The following KCTD8 variants were observed in gnomAD, a reference collection of about 807,000 sequenced individuals.
KCTD8 encodes potassium channel tetramerization domain containing 8.
Under a neutral mutation model 31.5 loss-of-function variants are expected in KCTD8, and 27 were observed. The ratio of observed to expected loss-of-function variants is 0.86; its 90% confidence interval spans 0.63 to 1.18. The LOEUF is 1.18. Among genes scored for constraint, KCTD8 ranks in the 50% most tolerant of loss-of-function variants. KCTD8 has a pLI of 0.00. For synonymous variants in KCTD8, 290 were observed against 280.0 expected (o/e 1.04, Z -0.36); for missense variants, 658 against 647.7 (o/e 1.02, Z -0.17).
At chr4:44,270,615 C>T (rs1435448777) in intron 1 of KCTD8, among the ~76,000 whole-genome samples, 3 of 152,002 alleles carry the variant, frequency 2.0e-5, no homozygotes, top group South Asian at 2.1e-4. Context: ...TAAGACCAAA[C>T]AGTTGGGTTT....
intron 1 of KCTD8, among the ~76,000 whole-genome samples, chr4:44,210,010 T>C (rs1466706762): frequency 6.6e-6 from 1 of 152,128 alleles, no homozygotes; most frequent in Admixed American, 6.6e-5. Flanking sequence ...GAGGAAGAAA[T>C]GCTACTTAAA....
chr4:44,372,081 A>G (rs2109436983), intron 1 of KCTD8, among the ~76,000 whole-genome samples: 1 of 152,354 alleles, frequency 6.6e-6, no homozygotes, highest in Admixed American at 6.5e-5. Context: ...TTGAAATAGC[A>G]TTATTCCCTA....
At position 44,448,097 on chromosome 4, in the gene KCTD8, C is replaced by G. The variant is rs1269103625; in HGVS notation, c.427G>C (p.Val143Leu). ...GTGACCTTGGGCGACAGCAGCTTGA[C>G]CAAGTCGGTGAGCTGGAAATACTCG... ...EAEYFQLTDLVKLLSPKVTKQ... is the reference protein window; with the variant it reads ...EAEYFQLTDLLKLLSPKVTKQ... Residue 143 changes from valine to leucine, a missense_variant, in exon 1 of 2, where the codon GTC (valine) becomes CTC (leucine). Transcript: ENST00000360029. The surrounding 1 kb of genome is among the most constrained non-coding windows in gnomAD (Gnocchi z 4.1). 1.2e-6 allele frequency: 2 copies of G among 1,612,560 alleles called. No homozygotes were observed. The highest frequency in any genetic ancestry group is 1.7e-6 in the Non-Finnish European group (2 of 1,179,878).
At chr4:44,237,628 G>A (rs918691260) in intron 1 of KCTD8, among the ~76,000 whole-genome samples, 2 of 152,220 alleles carry the variant, frequency 1.3e-5, no homozygotes, top group Non-Finnish European at 2.9e-5. Flanking sequence ...AACTTGAGAG[G>A]AGAAAAGAGG....
At chr4:44,322,770 T>G (rs1718329688) in intron 1 of KCTD8, among the ~76,000 whole-genome samples, 1 of 152,082 alleles carries the variant, frequency 6.6e-6, no homozygotes, top group South Asian at 2.1e-4. Flanking sequence ...TTGTATATGT[T>G]GAAAGATGGA....
At chr4:44,314,655 T>C (rs984376852) in intron 1 of KCTD8, among the ~76,000 whole-genome samples, 1 of 152,068 alleles carries the variant, frequency 6.6e-6, no homozygotes, top group African/African-American at 2.4e-5. Flanking sequence ...TATACACATC[T>C]ATATGCATAA....
intron 1 of KCTD8, among the ~76,000 whole-genome samples, chr4:44,298,279 T>G (rs1450208395): frequency 1.3e-5 from 2 of 152,136 alleles, no homozygotes; most frequent in African/African-American, 4.8e-5. Flanking sequence ...TCTGTCAGTC[T>G]TCTGTTTCGG....
intron 1 of KCTD8, among the ~76,000 whole-genome samples, chr4:44,377,439 A>G (rs1264390002): frequency 6.6e-6 from 1 of 152,206 alleles, no homozygotes; most frequent in Non-Finnish European, 1.5e-5. Flanking sequence ...GCATAGGCTC[A>G]GGAAGCAGGC....
intron 1 of KCTD8, among the ~76,000 whole-genome samples, chr4:44,313,412 G>A (rs1329502143): frequency 2.6e-5 from 4 of 152,148 alleles, no homozygotes; most frequent in East Asian, 3.9e-4. Context: ...TCACTTGGCC[G>A]TGGTAGAGTA....
intron 1 of KCTD8, among the ~76,000 whole-genome samples, chr4:44,343,741 T>C (rs1170762371): frequency 6.6e-6 from 1 of 152,190 alleles, no homozygotes; most frequent in African/African-American, 2.4e-5. Flanking sequence ...CTAACAAAAA[T>C]ATGTTAATAA....
rs573872548 is a variant in KCTD8, at chr4:44,289,069, T to C, written c.962-113819A>G. Among the ~76,000 whole-genome samples the C allele has an allele frequency of 1.0e-3, 155 of 151,774 alleles. 1 individual carries two copies. The highest frequency in any genetic ancestry group is 3.6e-3 in the African/African-American group (151 of 41,532). ...TATCTGCATATTTTGAGAATTCTTATCTTTAAAATAGAGATACTATCTACC... is the reference window on the plus strand; with the variant it reads ...TATCTGCATATTTTGAGAATTCTTACCTTTAAAATAGAGATACTATCTACC... On this transcript the variant is annotated intron_variant, in intron 1 of 1. Transcript: ENST00000360029.
rs1718621698 is a variant in KCTD8 at position 44,332,738 on chromosome 4, A to G, written c.961+114825T>C. Among the ~76,000 whole-genome samples, 4 of 152,152 alleles carry G rather than the reference A, an allele frequency of 2.6e-5. No individual in the cohort carries two copies. In the South Asian group the frequency reaches 6.2e-4, roughly 24 times the overall value. ...AAGAAAACTCCATAGTTAGGAAAAGACAAATCCATCATACAAATTCCATCA... is the reference window on the plus strand; with the variant it reads ...AAGAAAACTCCATAGTTAGGAAAAGGCAAATCCATCATACAAATTCCATCA... On this transcript the variant is annotated intron_variant, in intron 1 of 1. Transcript: ENST00000360029.
chr4:44,255,126 A>G (rs1176866173), intron 1 of KCTD8, among the ~76,000 whole-genome samples: 2 of 151,908 alleles, frequency 1.3e-5, no homozygotes, highest in Non-Finnish European at 2.9e-5. Context: ...CACCCTGCCT[A>G]TGATGATAAA....
At chr4:44,241,013 C>T (rs185870521) in intron 1 of KCTD8, among the ~76,000 whole-genome samples, 22 of 152,322 alleles carry the variant, frequency 1.4e-4, no homozygotes, top group Admixed American at 1.2e-3. Context: ...ACCCACACTT[C>T]ATTTTTGCAT....
chr4:44,272,141 A>ATATATATATATAT (rs1716631369), intron 1 of KCTD8, among the ~76,000 whole-genome samples: 1 of 149,672 alleles, frequency 6.7e-6, no homozygotes, highest in African/African-American at 2.5e-5. Flanking sequence ...ATATATATAT[A>ATATATATATATAT]AATGCTGAAC....
intron 1 of KCTD8, among the ~76,000 whole-genome samples, chr4:44,231,222 A>C (rs1260771500): frequency 1.3e-5 from 2 of 151,938 alleles, no homozygotes; most frequent in Non-Finnish European, 2.9e-5. Context: ...CATATATCTC[A>C]CCTCATTTCT....
intron 1 of KCTD8, among the ~76,000 whole-genome samples, chr4:44,222,820 G>A (rs552125908): frequency 4.6e-5 from 7 of 152,098 alleles, no homozygotes; most frequent in Non-Finnish European, 8.8e-5. Context: ...AAAATACTTG[G>A]AAGCAAAAAC....
chr4:44,285,431 A>G (rs1717034678), intron 1 of KCTD8, among the ~76,000 whole-genome samples: 1 of 151,632 alleles, frequency 6.6e-6, no homozygotes, highest in African/African-American at 2.4e-5. Flanking sequence ...ACAAGAACAC[A>G]TGGACACAGG....
At chr4:44,391,217 G>A (rs970397562) in intron 1 of KCTD8, among the ~76,000 whole-genome samples, 1 of 151,832 alleles carries the variant, frequency 6.6e-6, no homozygotes, top group African/African-American at 2.4e-5. Flanking sequence ...TACACATTGG[G>A]TACACTGTAC....
Sources: allele counts gnomAD v4.1 joint callset (sites outside exome capture counted in the v4.1 genomes callset), GRCh38; gene constraint gnomAD v4.1.1; non-coding constraint Gnocchi (gnomAD v3.1); transcripts MANE v1.5; gene names NCBI Gene and HGNC (gene_info 2026-07-23, HGNC 2026-07-21).